The following LPIN2 variants were observed in gnomAD, a reference collection of about 807,000 sequenced individuals.
The protein encoded by LPIN2 is phosphatidate phosphatase LPIN2.
Under a neutral mutation model 111.4 loss-of-function variants are expected in LPIN2, and 55 were observed. That is an observed-to-expected ratio of 0.49 (90% CI 0.40 to 0.62). The LOEUF (loss-of-function observed/expected upper bound fraction) is 0.62, where lower values mean the gene tolerates loss of function less well. Among genes scored for constraint, LPIN2 ranks in the 20% least tolerant of loss-of-function variants. LPIN2 has a pLI of 0.00. For synonymous variants in LPIN2, 425 were observed against 414.0 expected, an observed-to-expected ratio of 1.03 and a Z score of -0.32; for missense variants, 992 against 1,112.1, an observed-to-expected ratio of 0.89 and a Z score of 1.54.
rs1464669308 is a variant in LPIN2, at chr18:2,917,245, C to T, written c.*3048G>A. 2 of 152,186 alleles carry T rather than the reference C, an allele frequency of 1.3e-5. No homozygotes were observed. The highest frequency in any genetic ancestry group is 6.5e-5 in the Admixed American group (1 of 15,276). 9.4% of individuals were successfully genotyped at this position (152,186 alleles called of 1,614,324 possible). On this transcript the variant is annotated 3_prime_UTR_variant, in exon 20 of 20. Transcript: ENST00000677752. Reference sequence around the variant, plus strand: ...AAGTTTCCCCTCCCTTTCTTACTTTCAAACAAAACCAAAAGAGTAGTTTTC... The same window carrying T: ...AAGTTTCCCCTCCCTTTCTTACTTTTAAACAAAACCAAAAGAGTAGTTTTC...
chr18:2,949,360 CAAAA>C (rs1050623900), intron 4 of LPIN2, among the ~76,000 whole-genome samples: 1 of 151,680 alleles, frequency 6.6e-6, no homozygotes, highest in South Asian at 2.1e-4. Context: ...TTGACACTGA[CAAAA>C]AAAATTACCT....
intron 1 of LPIN2, chr18:2,982,708 G>A (rs770370135): frequency 1.5e-6 from 2 of 1,303,798 alleles, no homozygotes; most frequent in Admixed American, 2.3e-5. Context: ...AACATCTTGA[G>A]TTTTACTTAA....
At chr18:2,948,814 ATTTT>A (rs769701843) in intron 4 of LPIN2, among the ~76,000 whole-genome samples, 3 of 144,668 alleles carry the variant, frequency 2.1e-5, no homozygotes, top group Non-Finnish European at 4.6e-5. Flanking sequence ...ATTGTTTATA[ATTTT>A]TTTTTTTTTT....
chr18:3,000,020 T>G (rs1435286379), intron 1 of LPIN2, among the ~76,000 whole-genome samples: 1 of 120,614 alleles, frequency 8.3e-6, no homozygotes, highest in Non-Finnish European at 1.8e-5. Context: ...TGAGACCCTA[T>G]CTCTGTTTTG....
chr18:2,964,650 G>A (rs1018205559), intron 1 of LPIN2, among the ~76,000 whole-genome samples: 30 of 152,194 alleles, frequency 2.0e-4, no homozygotes, highest in Non-Finnish European at 4.4e-4. Context: ...ACCATCTATG[G>A]TATTCTGCTG....
intron 1 of LPIN2, among the ~76,000 whole-genome samples, chr18:2,975,396 G>A (rs1201976839): frequency 6.6e-6 from 1 of 152,122 alleles, no homozygotes; most frequent in Non-Finnish European, 1.5e-5. Context: ...GTGCAATGGT[G>A]CAATCTCAGC....
chr18:2,954,358 GTTC>G, intron 3 of LPIN2, 143 bp downstream of exon 3: 1 of 671,224 alleles, frequency 1.5e-6, no homozygotes, highest in Non-Finnish European at 2.7e-6. Context: ...TGACAGCTTA[GTTC>G]TTCAACATGA....
intron 1 of LPIN2, among the ~76,000 whole-genome samples, chr18:2,970,917 A>C (rs2077896758): frequency 6.6e-6 from 1 of 152,170 alleles, no homozygotes; most frequent in Non-Finnish European, 1.5e-5. Context: ...GATGATTTCA[A>C]CACACTCACT....
At chr18:2,965,731 C>CA (rs35530040) in intron 1 of LPIN2, among the ~76,000 whole-genome samples, 91,413 of 103,228 alleles carry the variant, frequency 0.89, 40,839 homozygotes, top group East Asian at 0.94. Flanking sequence ...CTCCCAATCT[C>CA]AAAAAAAAAA....
Position 2,920,252 on chromosome 18 carries a change from G to C in LPIN2, c.*41C>G. The C allele has an allele frequency of 6.2e-7, 1 of 1,613,296 alleles. No homozygotes were observed. The highest frequency in any genetic ancestry group is 8.5e-7 in the Non-Finnish European group (1 of 1,179,648). ...GAGCCAGCTGCCTTCCCTTGCTGTGGGGAGGGGGACCAAGCCCTGCCCACC... is the reference window on the plus strand; with the variant it reads ...GAGCCAGCTGCCTTCCCTTGCTGTGCGGAGGGGGACCAAGCCCTGCCCACC... On this transcript the variant is annotated 3_prime_UTR_variant, in exon 20 of 20. Coordinates refer to ENST00000677752, the MANE Select transcript of LPIN2 (RefSeq NM_001375808.2).
At chr18:2,942,087 T>C (rs2077374921) in intron 4 of LPIN2, among the ~76,000 whole-genome samples, 1 of 152,226 alleles carries the variant, frequency 6.6e-6, no homozygotes, top group Non-Finnish European at 1.5e-5. Flanking sequence ...AACCAGGTTC[T>C]TTTTTAATAT....
chr18:2,922,249 G>T, intron 16 of LPIN2, 50 bp from the exon 17 acceptor site: 1 of 1,556,454 alleles, frequency 6.4e-7, no homozygotes, highest in South Asian at 1.2e-5. Flanking sequence ...TAAGGGAAAA[G>T]AAAACAAAAA....
intron 1 of LPIN2, chr18:2,982,699 A>C: frequency 7.7e-7 from 1 of 1,303,656 alleles, no homozygotes; most frequent in South Asian, 1.2e-5. Flanking sequence ...GTCATGGTAA[A>C]CATCTTGAGT....
intron 16 of LPIN2, 54 bp from the exon 17 acceptor site, chr18:2,922,253 AC>A: frequency 1.3e-6 from 2 of 1,564,180 alleles, no homozygotes; most frequent in Non-Finnish European, 8.7e-7. Context: ...GGAAAAGAAA[AC>A]AAAAAACAAA....
At chr18:2,946,380 A>G (rs770024264) in intron 4 of LPIN2, 1 of 1,486,804 alleles carries the variant, frequency 6.7e-7, no homozygotes, top group Non-Finnish European at 9.4e-7. Context: ...ATGCTTAAGA[A>G]ATCAGAAAAA....
intron 2 of LPIN2, among the ~76,000 whole-genome samples, chr18:2,956,331 TGTGTGTG>T (rs2077616078): frequency 6.7e-6 from 1 of 148,936 alleles, no homozygotes; most frequent in Non-Finnish European, 1.5e-5. Context: ...TGTGTGTGTG[TGTGTGTG>T]TGTGTGTACA....
intron 4 of LPIN2, among the ~76,000 whole-genome samples, chr18:2,943,337 T>C (rs1217918627): frequency 6.6e-6 from 1 of 152,104 alleles, no homozygotes; most frequent in Non-Finnish European, 1.5e-5. Flanking sequence ...ATTATTCAGA[T>C]TTTTATCTGG....
chr18:2,976,545 T>C lies in LPIN2; in HGVS notation c.-9-15696A>G, dbSNP rs1170890894. On this transcript the variant is annotated intron_variant, in intron 1 of 19. Coordinates refer to ENST00000677752, the MANE Select transcript of LPIN2 (RefSeq NM_001375808.2). ...TGGTTTTAGTGGAATCGTAAGCCTG[T>C]CATTTGTCTGCGTGGATTGTTTACA... 2.0e-5 allele frequency among the ~76,000 whole-genome samples: 3 copies of C among 152,244 alleles called. No individual in the cohort carries two copies. The East Asian group carries it at 5.8e-4, about 29-fold the overall frequency.
intron 1 of LPIN2, among the ~76,000 whole-genome samples, chr18:3,004,132 C>T (rs1425432771): frequency 6.6e-6 from 1 of 152,174 alleles, no homozygotes; most frequent in Non-Finnish European, 1.5e-5. Context: ...CTCTTGAACC[C>T]TGTTTCCTGT....
Sources: gnomAD v4.1 joint callset for allele counts (sites outside exome capture counted in the v4.1 genomes callset) on GRCh38, gnomAD v4.1.1 for gene constraint, MANE v1.5 for transcripts, NCBI Gene and HGNC (gene_info 2026-07-23, HGNC 2026-07-21) for gene names.